Variants in SMCHD1 observed in about 807,000 individuals in gnomAD.
SMCHD1 encodes structural maintenance of chromosomes flexible hinge domain-containing protein 1.
Under a neutral mutation model 254.7 loss-of-function variants are expected in SMCHD1, and 78 were observed. The observed-to-expected ratio is 0.31, with a 90% CI of 0.26 to 0.37. The LOEUF (loss-of-function observed/expected upper bound fraction) is 0.37. SMCHD1 is among the 10% of genes least tolerant of loss of function. SMCHD1 has a pLI of 1.00. For missense variants in SMCHD1, 1,840 were observed against 2,408.1 expected, an observed-to-expected ratio of 0.76 and a Z score of 4.94; for synonymous variants, 766 against 794.9, an observed-to-expected ratio of 0.96 and a Z score of 0.61.
At chr18:2,666,837 C>A in intron 2 of SMCHD1, 33 bp from the exon 3 acceptor site, 1 of 1,575,344 alleles carries the variant, frequency 6.3e-7, no homozygotes. Flanking sequence ...CTGATGCTGA[C>A]CTAGCACTTA....
At chr18:2,760,436 G>A (rs1360297045) in intron 34 of SMCHD1, 4 of 370,276 alleles carry the variant, frequency 1.1e-5, no homozygotes, top group African/African-American at 2.1e-5. Flanking sequence ...TATCCAGCAC[G>A]TTTATTCTGG....
chr18:2,669,882 C>G (rs962647324), intron 3 of SMCHD1, among the ~76,000 whole-genome samples: 1 of 152,176 alleles, frequency 6.6e-6, no homozygotes, highest in Non-Finnish European at 1.5e-5. Context: ...CAAATTGATA[C>G]TTGTATTTCT....
chr18:2,735,213 C>T lies in SMCHD1; in HGVS notation c.3276+2721C>T, dbSNP rs140879809. ...TATGATTTAATATGGTTTCAGTAGA[C>T]GCAGAAAATGCTTTTGATAAAATCC... On this transcript the variant is annotated intron_variant, in intron 25 of 47. Coordinates refer to ENST00000320876, the MANE Select transcript of SMCHD1 (RefSeq NM_015295.3). Among the ~76,000 whole-genome samples the T allele has an allele frequency of 5.3e-4, 80 of 152,192 alleles. No homozygotes were observed. The East Asian group carries it at 7.7e-3, about 15-fold the overall frequency.
intron 39 of SMCHD1, among the ~76,000 whole-genome samples, chr18:2,770,329 G>A (rs994124739): frequency 3.9e-5 from 6 of 152,064 alleles, no homozygotes; most frequent in Admixed American, 3.3e-4. Flanking sequence ...AAATCAACAC[G>A]TTCTGTTAGG....
Position 2,708,907 on chromosome 18 carries a change from T to TATATATATATATATATATATATATATAAA in SMCHD1, c.2260+988_2260+989insTATATATATATATATATATATATATAAAA, listed in dbSNP as rs769432583. 4.5e-5 allele frequency among the ~76,000 whole-genome samples: 2 copies of TATATATATATATATATATATATATATAAA among 44,702 alleles called. 1 individual carries two copies. The highest frequency in any genetic ancestry group is 1.7e-4 in the African/African-American group (2 of 11,876). The allele number at this position is 44,702 out of a possible 152,430, so 29.3% of individuals were successfully genotyped here. ...ATATATATATATATATATATATATA[T>TATATATATATATATATATATATATATAAA]AACATATTAACATGAAATTTATGAA... is the stretch of plus-strand genomic sequence containing the variant. On this transcript the variant is annotated intron_variant, in intron 17 of 47. Coordinates refer to ENST00000320876, the MANE Select transcript of SMCHD1 (RefSeq NM_015295.3).
intron 44 of SMCHD1, among the ~76,000 whole-genome samples, chr18:2,783,969 C>G (rs375497086): frequency 6.6e-6 from 1 of 152,190 alleles, no homozygotes; most frequent in African/African-American, 2.4e-5. Flanking sequence ...ATTATCACCT[C>G]TTTATCTTCC....
intron 36 of SMCHD1, 111 bp from the exon 37 acceptor site, chr18:2,763,526 A>G (rs963802950): frequency 1.6e-5 from 14 of 862,970 alleles, no homozygotes; most frequent in African/African-American, 1.8e-5. Flanking sequence ...AGAAAGATCC[A>G]GATAATTTAA....
At position 2,698,300 on chromosome 18, in the gene SMCHD1, A is replaced by G. The variant is rs181845256; in HGVS notation, c.1342+259A>G. Among the ~76,000 whole-genome samples, 60 of 152,290 alleles carry G rather than the reference A, an allele frequency of 3.9e-4. 1 individual carries two copies. The highest frequency in any genetic ancestry group is 3.5e-3 in the Admixed American group (53 of 15,286). ...ACCAAACTTTTAGATATGTATGCGT[A>G]TTAATCCTTTATATGTTCCCTTGTC... On this transcript the variant is annotated intron_variant, in intron 10 of 47. Transcript: ENST00000320876.
At chr18:2,775,698 T>G (rs2076055640) in intron 41 of SMCHD1, 36 bp from the exon 42 acceptor site, 1 of 1,555,474 alleles carries the variant, frequency 6.4e-7, no homozygotes, top group South Asian at 1.2e-5. Flanking sequence ...TATATATGGA[T>G]TTTATATTTT....
intron 35 of SMCHD1, among the ~76,000 whole-genome samples, 177 bp from the exon 36 acceptor site, chr18:2,761,928 A>G (rs1272364500): frequency 2.6e-5 from 4 of 152,224 alleles, no homozygotes; most frequent in Non-Finnish European, 5.9e-5. Context: ...ACCTGACCTA[A>G]CTTTTTTATG....
In SMCHD1 at chr18:2,700,546, AGATGAAGAT is replaced by A. The variant is rs1475919842; in HGVS notation, c.1363_1371del (p.Glu455_Asp457del). ...TTTGCCCTTTTGATCTAGAATTAAA[AGATGAAGAT>A]GATGAAGATGATTGTTTCATACTTG... On this transcript the variant is annotated inframe_deletion, in exon 11 of 48. Transcript: ENST00000320876. The A allele has an allele frequency of 3.7e-6, 6 of 1,604,454 alleles. No individual in the cohort carries two copies. The highest frequency in any genetic ancestry group is 4.2e-6 in the Non-Finnish European group (5 of 1,176,942).
At chr18:2,739,928 TC>T (rs763849610) in intron 27 of SMCHD1, among the ~76,000 whole-genome samples, 1 of 136,374 alleles carries the variant, frequency 7.3e-6, no homozygotes, top group Non-Finnish European at 1.6e-5. Context: ...CTAAAAAAAT[TC>T]TTTTTTTTTT....
rs780899290 is a variant in SMCHD1, at chr18:2,796,013, T to C, written c.5784T>C (p.Ser1928=). The C allele has an allele frequency of 7.5e-6, 12 of 1,596,494 alleles. No homozygotes were observed. In the South Asian group the frequency reaches 1.1e-4, roughly 15 times the overall value. Residue 1928 remains serine, a synonymous_variant, in exon 46 of 48, where the codon AGT becomes AGC. Coordinates refer to ENST00000320876, the MANE Select transcript of SMCHD1 (RefSeq NM_015295.3). ...ACAGTGTGAATAAGGATCTTAACAG[T>C]CAATTAGAGTACCTTCGCACTCCGG... ...KLDSVNKDLN[S]QLEYLRTPDM...
intron 15 of SMCHD1, among the ~76,000 whole-genome samples, chr18:2,707,013 T>G (rs1366822655): frequency 6.6e-6 from 1 of 152,044 alleles, no homozygotes; most frequent in African/African-American, 2.4e-5. Context: ...AATCATCAGC[T>G]CTCGTGAGAA....
intron 41 of SMCHD1, among the ~76,000 whole-genome samples, chr18:2,773,061 T>G (rs1290364909): frequency 6.6e-6 from 1 of 152,214 alleles, no homozygotes; most frequent in Non-Finnish European, 1.5e-5. Context: ...GACTCTAAAG[T>G]CTGTGATAGT....
chr18:2,777,056 A>ACCCCCCCCCC (rs140799401), intron 42 of SMCHD1, among the ~76,000 whole-genome samples: 13 of 90,622 alleles, frequency 1.4e-4, no homozygotes, highest in Non-Finnish European at 2.0e-4. Context: ...GGCATGCACC[A>ACCCCCCCCCC]CCACCTCCCC....
At position 2,750,485 on chromosome 18, in the gene SMCHD1, C is replaced by A; in HGVS notation, c.4143C>A (p.Phe1381Leu). ...LNVKYDKDAS[F>L]LAGGLFTDFM... ...TTAAATATGACAAAGATGCATCCTTCTTAGCAGGGGGTCTTTTCACTGGTG... is the reference window on the plus strand; with the variant it reads ...TTAAATATGACAAAGATGCATCCTTATTAGCAGGGGGTCTTTTCACTGGTG... The change falls in exon 32 of 48, where the codon TTC (phenylalanine) becomes TTA (leucine). Residue 1381 changes from phenylalanine (F) to leucine (L), a missense_variant. This residue lies in a region of SMCHD1 where 881 missense variants were observed against 1,009.5 expected (regional missense o/e 0.87). Coordinates refer to ENST00000320876, the MANE Select transcript of SMCHD1 (RefSeq NM_015295.3). 1.2e-6 allele frequency: 2 copies of A among 1,605,292 alleles called. No individual in the cohort carries two copies. Among genetic ancestry groups the A allele is most frequent in the Non-Finnish European group, 1.7e-6 (2 of 1,175,274 alleles).
intron 17 of SMCHD1, among the ~76,000 whole-genome samples, chr18:2,709,038 C>G (rs2074603012): frequency 1.3e-5 from 2 of 148,940 alleles, no homozygotes; most frequent in African/African-American, 4.9e-5. Flanking sequence ...CTCTTCATCA[C>G]TCCTTTCTCC....
At chr18:2,739,774 G>A (rs1483794070) in intron 27 of SMCHD1, among the ~76,000 whole-genome samples, 3 of 152,128 alleles carry the variant, frequency 2.0e-5, no homozygotes, top group African/African-American at 7.2e-5. Context: ...AATATTACTA[G>A]TTAGAAGTTA....
Sources: allele counts gnomAD v4.1 joint callset (sites outside exome capture counted in the v4.1 genomes callset), GRCh38; gene constraint gnomAD v4.1.1; regional missense constraint gnomAD v4.1.1; transcripts MANE v1.5; gene names NCBI Gene and HGNC (gene_info 2026-07-23, HGNC 2026-07-21).